Variants in BCL2L11 observed in about 807,000 individuals in gnomAD.
The protein encoded by BCL2L11 is bcl-2-like protein 11.
Under a neutral mutation model 20.6 loss-of-function variants are expected in BCL2L11, and 15 were observed. That is an observed-to-expected ratio of 0.73 (90% CI 0.49 to 1.12). The LOEUF (loss-of-function observed/expected upper bound fraction) is 1.12. BCL2L11 is among the 50% of genes most tolerant of loss of function. The pLI is 0.00. For synonymous variants in BCL2L11, 108 were observed against 92.8 expected (o/e 1.16, Z -0.94); for missense variants, 292 against 260.9 (o/e 1.12, Z -0.82).
chr2:111,157,696 C>G (rs1329924469), intron 3 of BCL2L11, among the ~76,000 whole-genome samples: 2 of 152,214 alleles, frequency 1.3e-5, no homozygotes, highest in Non-Finnish European at 1.5e-5. Context: ...CCTGGACATT[C>G]ACTGGAGAAG....
chr2:111,148,320 T>C (rs535403315), intron 2 of BCL2L11, among the ~76,000 whole-genome samples: 1 of 152,308 alleles, frequency 6.6e-6, no homozygotes, highest in South Asian at 2.1e-4. Flanking sequence ...AACACACTTT[T>C]CTTCTTCCCC....
chr2:111,127,145 A>G (rs185051644), intron 2 of BCL2L11, among the ~76,000 whole-genome samples: 1 of 152,302 alleles, frequency 6.6e-6, no homozygotes, highest in East Asian at 1.9e-4. Context: ...TTGACAAATG[A>G]TACCTTAGTG....
intron 2 of BCL2L11, among the ~76,000 whole-genome samples, chr2:111,139,614 AAGTG>A (rs1488229930): frequency 5.9e-5 from 9 of 152,168 alleles, no homozygotes; most frequent in African/African-American, 2.2e-4. Context: ...TGATATTTCT[AAGTG>A]AGTGAGTTAT....
At chr2:111,146,188 T>TG (rs1452336152) in intron 2 of BCL2L11, 1 of 985,104 alleles carries the variant, frequency 1.0e-6, no homozygotes, top group African/African-American at 1.7e-5. Context: ...AATTTCCCCT[T>TG]TGAAGAATTT....
At chr2:111,133,584 TTTA>T (rs1372067599) in intron 2 of BCL2L11, among the ~76,000 whole-genome samples, 1 of 152,204 alleles carries the variant, frequency 6.6e-6, no homozygotes, top group Non-Finnish European at 1.5e-5. Flanking sequence ...GAGAGCATAT[TTTA>T]TTCTATTTCG....
At chr2:111,140,296 G>A (rs1008784981) in intron 2 of BCL2L11, among the ~76,000 whole-genome samples, 33 of 152,160 alleles carry the variant, frequency 2.2e-4, no homozygotes, top group African/African-American at 7.7e-4. Flanking sequence ...AAGAGTGTGT[G>A]TGTTAAATGG....
At chr2:111,148,925 A>G (rs2076910020) in intron 2 of BCL2L11, among the ~76,000 whole-genome samples, 1 of 152,218 alleles carries the variant, frequency 6.6e-6, no homozygotes, top group Non-Finnish European at 1.5e-5. Context: ...GCCTTTTACA[A>G]AAATAAAGAC....
chr2:111,139,580 G>C (rs1413326222), intron 2 of BCL2L11, among the ~76,000 whole-genome samples: 1 of 152,046 alleles, frequency 6.6e-6, no homozygotes, highest in Admixed American at 6.6e-5. Context: ...TAGACAGACT[G>C]TTGGCCATTG....
chr2:111,160,296 A>G (rs2078401125), intron 3 of BCL2L11, among the ~76,000 whole-genome samples: 1 of 151,216 alleles, frequency 6.6e-6, no homozygotes, highest in African/African-American at 2.4e-5. Context: ...CTCTCATTTT[A>G]TTTGCCTCTG....
chr2:111,132,985 G>C (rs2074230547), intron 2 of BCL2L11, among the ~76,000 whole-genome samples: 1 of 152,154 alleles, frequency 6.6e-6, no homozygotes, highest in Non-Finnish European at 1.5e-5. Context: ...TACAATTTCA[G>C]TTCTTTTAAA....
In BCL2L11 at chr2:111,165,651, C is replaced by T. The variant is rs2078983980; in HGVS notation, c.*1420C>T. 6.6e-6 allele frequency: 1 copy of T among 152,182 alleles called. No homozygotes were observed. The highest frequency in any genetic ancestry group is 1.5e-5 in the Non-Finnish European group (1 of 68,066). The allele number at this position is 152,182 out of a possible 1,614,324, so 9.4% of individuals were successfully genotyped here. A position where few individuals can be genotyped will look rare whatever the true frequency, so the allele number is the denominator to read the frequency against. On this transcript the variant is annotated 3_prime_UTR_variant, in exon 4 of 4. Coordinates refer to ENST00000393256, the MANE Select transcript of BCL2L11 (RefSeq NM_138621.5). ...ACACACTGGTCAGTCATTTCAGAGG[C>T]AGCAGATGCCCAGGGAGACCCAAGA...
rs139217424 is a variant in BCL2L11 at position 111,143,581 on chromosome 2, G to A, written c.395-6463G>A. On this transcript the variant is annotated intron_variant, in intron 2 of 3. Transcript: ENST00000393256. Reference sequence around the variant, plus strand: ...ATCGTAGCACTCAGTGTTCTTCAGCGAGGACAGCAGTGCCTTAGGAAATGT... The same window carrying A: ...ATCGTAGCACTCAGTGTTCTTCAGCAAGGACAGCAGTGCCTTAGGAAATGT... 4.7e-3 allele frequency among the ~76,000 whole-genome samples: 719 copies of A among 152,268 alleles called. 14 individuals carry two copies. The highest frequency in any genetic ancestry group is 0.017 in the African/African-American group (701 of 41,540).
intron 3 of BCL2L11, chr2:111,161,550 G>A (rs2078550240): frequency 1.3e-6 from 2 of 1,543,672 alleles, no homozygotes; most frequent in South Asian, 1.2e-5. Flanking sequence ...TCCGCTTATG[G>A]GTGTGTTTAT....
At position 111,166,856 on chromosome 2, in the gene BCL2L11, TAATG is replaced by T. The variant is rs2079044532; in HGVS notation, c.*2626_*2629del. The T allele has an allele frequency of 6.6e-6, 1 of 152,630 alleles. No homozygotes were observed. 9.5% of individuals were successfully genotyped at this position (152,630 alleles called of 1,614,324 possible). A position where few individuals can be genotyped will look rare whatever the true frequency, so the allele number is the denominator to read the frequency against. On this transcript the variant is annotated 3_prime_UTR_variant, in exon 4 of 4. Transcript: ENST00000393256. ...ACAATTGTCTGCCGTTTCCCCTTCT[TAATG>T]TATATATTGTGAGTATTTATTAGAT...
intron 2 of BCL2L11, among the ~76,000 whole-genome samples, chr2:111,134,391 T>C (rs2074487570): frequency 6.6e-6 from 1 of 152,218 alleles, no homozygotes; most frequent in African/African-American, 2.4e-5. Context: ...AGTCTACTGG[T>C]ATCAATGGTC....
intron 2 of BCL2L11, among the ~76,000 whole-genome samples, chr2:111,140,049 G>A (rs1260703409): frequency 6.6e-6 from 1 of 152,234 alleles, no homozygotes; most frequent in Non-Finnish European, 1.5e-5. Flanking sequence ...TGCTGTGTCT[G>A]TAAACCTTGC....
chr2:111,135,088 T>TTC (rs2074623963), intron 2 of BCL2L11, among the ~76,000 whole-genome samples: 1 of 150,926 alleles, frequency 6.6e-6, no homozygotes, highest in South Asian at 2.1e-4. Context: ...TTAAATACTT[T>TTC]TCCAGTCCCT....
intron 3 of BCL2L11, among the ~76,000 whole-genome samples, chr2:111,154,399 A>G (rs2077593999): frequency 6.6e-6 from 1 of 151,584 alleles, no homozygotes; most frequent in Non-Finnish European, 1.5e-5. Context: ...CCTAAGAGCC[A>G]ATGTAGGATA....
intron 2 of BCL2L11, among the ~76,000 whole-genome samples, chr2:111,135,550 G>A (rs922128945): frequency 7.9e-5 from 12 of 151,988 alleles, no homozygotes; most frequent in Admixed American, 3.9e-4. Flanking sequence ...GGGGTGGGGG[G>A]GTCAGGTACA....
Sources: allele counts gnomAD v4.1 joint callset (sites outside exome capture counted in the v4.1 genomes callset), GRCh38; gene constraint gnomAD v4.1.1; transcripts MANE v1.5; gene names NCBI Gene and HGNC (gene_info 2026-07-23, HGNC 2026-07-21).